Variants in KIF17 observed in about 807,000 individuals in gnomAD.
KIF17 encodes the protein kinesin-like protein KIF17.
A neutral mutation model predicts 96.8 loss-of-function variants in KIF17; 80 were observed. That is an observed-to-expected ratio of 0.83 (90% CI 0.69 to 1.00). KIF17 has a LOEUF of 1.00. KIF17 is among the 50% of genes least tolerant of loss of function. The pLI is 0.00. For missense variants in KIF17, 1,280 were observed against 1,372.9 expected (o/e 0.93, Z 1.07); for synonymous variants, 567 against 587.5 (o/e 0.97, Z 0.51).
At position 20,717,509 on chromosome 1, in the gene KIF17, C is replaced by G; in HGVS notation, c.198G>C (p.Gln66His). The change falls in exon 1 of 15, where the codon CAG (glutamine) becomes CAC (histidine). Residue 66 changes from glutamine to histidine, a missense_variant. Coordinates refer to ENST00000400463, the MANE Select transcript of KIF17 (RefSeq NM_001122819.3). ...GAYHVDHVTE[Q>H]IYNEIAYPLV... ...GCGGATAGGCGATCTCGTTGTAGAT[C>G]TGCTCGGTGACGTGGTCCACGTGGT... The G allele has an allele frequency of 1.9e-6, 3 of 1,611,912 alleles. No individual in the cohort carries two copies. Among genetic ancestry groups the G allele is most frequent in the Non-Finnish European group, 2.5e-6 (3 of 1,179,656 alleles).
chr1:20,673,093 G>C (rs2053676204), intron 11 of KIF17: 1 of 152,132 alleles, frequency 6.6e-6, no homozygotes, highest in African/African-American at 2.4e-5. Context: ...CAGGTCTGCT[G>C]GCACACGCCT....
chr1:20,707,306 T>A (rs11587009), intron 4 of KIF17, among the ~76,000 whole-genome samples: 1 of 152,178 alleles, frequency 6.6e-6, no homozygotes, highest in African/African-American at 2.4e-5. Context: ...TGGAAACCAA[T>A]TGTCAAGGAC....
At chr1:20,690,766 A>G (rs1405567908) in intron 6 of KIF17, among the ~76,000 whole-genome samples, 2 of 151,570 alleles carry the variant, frequency 1.3e-5, no homozygotes, top group Non-Finnish European at 1.5e-5. Context: ...GGCTCACTGC[A>G]AGCTCTGCCT....
At chr1:20,712,987 T>C (rs1345949820) in intron 3 of KIF17, among the ~76,000 whole-genome samples, 2 of 139,378 alleles carry the variant, frequency 1.4e-5, no homozygotes, top group Non-Finnish European at 3.0e-5. Context: ...ATATAGATAC[T>C]ATATATAATA....
intron 12 of KIF17, among the ~76,000 whole-genome samples, chr1:20,671,215 T>C (rs887470561): frequency 3.9e-5 from 6 of 152,192 alleles, no homozygotes; most frequent in African/African-American, 1.4e-4. Flanking sequence ...AGGGCTGTCG[T>C]AAGGATGAAC....
chr1:20,664,401 C>T lies in KIF17; in HGVS notation c.*183G>A, dbSNP rs549433773. ...GGACTATACAGCCTCCGAGGGGCTC[C>T]TGCCCAGGGCGGAGGTGGGCTCTCT... On this transcript the variant is annotated 3_prime_UTR_variant, in exon 15 of 15. Coordinates refer to ENST00000400463, the MANE Select transcript of KIF17 (RefSeq NM_001122819.3). The T allele has an allele frequency of 5.3e-6, 8 of 1,497,856 alleles. No individual in the cohort carries two copies. The Admixed American group carries it at 1.5e-4, about 28-fold the overall frequency. The allele number at this position is 1,497,856 out of a possible 1,614,324, so 92.8% of individuals were successfully genotyped here. A position where few individuals can be genotyped will look rare whatever the true frequency, so the allele number is the denominator to read the frequency against.
In KIF17 at chr1:20,664,300, G is replaced by T; in HGVS notation, c.*284C>A. 7.4e-7 allele frequency: 1 copy of T among 1,350,242 alleles called. No homozygotes were observed. The highest frequency in any genetic ancestry group is 9.6e-7 in the Non-Finnish European group (1 of 1,043,712). The allele number at this position is 1,350,242 out of a possible 1,614,324, so 83.6% of individuals were successfully genotyped here. ...GCAAAGACCAACACTGGTGGGCATG[G>T]GTGTGGGCTCTGTGGCAGGTGAGCA... is the stretch of plus-strand genomic sequence containing the variant. On this transcript the variant is annotated 3_prime_UTR_variant, in exon 15 of 15. Coordinates refer to ENST00000400463, the MANE Select transcript of KIF17 (RefSeq NM_001122819.3).
intron 10 of KIF17, 90 bp downstream of exon 10, chr1:20,684,719 G>A: frequency 7.7e-7 from 1 of 1,301,962 alleles, no homozygotes; most frequent in Non-Finnish European, 1.1e-6. Flanking sequence ...AGAGCTGGGA[G>A]GAAGCTATGG....
At position 20,717,640 on chromosome 1, in the gene KIF17, G is replaced by A. The variant is rs1055605715; in HGVS notation, c.67C>T (p.Arg23Cys). 13 of 1,607,468 alleles carry A rather than the reference G, an allele frequency of 8.1e-6. No individual in the cohort carries two copies. Among genetic ancestry groups the A allele is most frequent in the Non-Finnish European group, 9.3e-6 (11 of 1,179,062 alleles). Residue 23 changes from arginine (R) to cysteine (C), a missense_variant, in exon 1 of 15, where the codon CGC (arginine) becomes TGC (cysteine). Physicochemically the swap from Arg to Cys is radical, Grantham distance 180. Transcript: ENST00000400463. ...TCCACAGTCACCACGGGCTGGCAGCGCAGCTCTCGCTCCCGCTGGTTCATG... is the reference window on the plus strand; with the variant it reads ...TCCACAGTCACCACGGGCTGGCAGCACAGCTCTCGCTCCCGCTGGTTCATG... The part of the protein sequence containing the change: ...RPMNQREREL[R>C]CQPVVTVDCA...
chr1:20,683,516 G>T (rs1361476829), intron 10 of KIF17, among the ~76,000 whole-genome samples: 1 of 152,016 alleles, frequency 6.6e-6, no homozygotes, highest in Non-Finnish European at 1.5e-5. Context: ...TTAGCCGGGC[G>T]TGATGGTGCA....
At position 20,709,874 on chromosome 1, in the gene KIF17, G is replaced by A. The variant is rs768897033; in HGVS notation, c.481-46C>T. 33 of 1,544,280 alleles carry A rather than the reference G, an allele frequency of 2.1e-5. No individual in the cohort carries two copies. The highest frequency in any genetic ancestry group is 2.8e-5 in the Non-Finnish European group (32 of 1,137,392). On this transcript the variant is annotated intron_variant, in intron 3 of 14. Transcript: ENST00000400463. The surrounding 1 kb of genome is among the most constrained non-coding windows in gnomAD (Gnocchi z 4.7). ...AGGGGCGGAACCTCCAGCCGCCAAG[G>A]GTTAGGACCAGGGATGGTCAAGGAA...
chr1:20,676,118 C>T (rs1266533896), intron 11 of KIF17, among the ~76,000 whole-genome samples: 1 of 152,124 alleles, frequency 6.6e-6, no homozygotes, highest in Non-Finnish European at 1.5e-5. Context: ...CATTAATTTA[C>T]TCTTTTTTCT....
chr1:20,715,814 G>A (rs2054568118), intron 1 of KIF17, among the ~76,000 whole-genome samples, 175 bp from the exon 2 acceptor site: 1 of 152,248 alleles, frequency 6.6e-6, no homozygotes, highest in Admixed American at 6.5e-5. Context: ...ACTCTCTGGT[G>A]GGGTAGGAGC....
chr1:20,679,130 G>A (rs1198971619), intron 11 of KIF17, among the ~76,000 whole-genome samples: 7 of 151,364 alleles, frequency 4.6e-5, no homozygotes, highest in Non-Finnish European at 2.9e-5. Flanking sequence ...TGGGCAACAT[G>A]GCAAAACCCC....
rs183270297 is a variant in KIF17, at chr1:20,711,997, G to A, written c.480+1457C>T. Among the ~76,000 whole-genome samples, 43 of 152,216 alleles carry A rather than the reference G, an allele frequency of 2.8e-4. 1 individual carries two copies. Among genetic ancestry groups the A allele is most frequent in the Admixed American group, 2.0e-3 (31 of 15,286 alleles). ...CCACGAGGGAGCGTGTCTAAAGCCC[G>A]GTGACCTCTGGAGTGTGTTTCAGCA... On this transcript the variant is annotated intron_variant, in intron 3 of 14. Coordinates refer to ENST00000400463, the MANE Select transcript of KIF17 (RefSeq NM_001122819.3).
downstream of KIF17, chr1:20,661,673 G>A (rs544175829): frequency 3.3e-4 from 147 of 451,144 alleles, no homozygotes; most frequent in African/African-American, 2.7e-3. Context: ...GCCCAGGCCG[G>A]CCTCCCGCCC....
Position 20,703,176 on chromosome 1 carries a change from T to TGAATGGAC in KIF17, c.1123+1270_1123+1271insGTCCATTC, listed in dbSNP as rs1553151981. On this transcript the variant is annotated intron_variant, in intron 5 of 14. Coordinates refer to ENST00000400463, the MANE Select transcript of KIF17 (RefSeq NM_001122819.3). ...AGAAGGAAGGATGGAGATGGATGGA[T>TGAATGGAC]GAATGGATGGACGGATGGATGGGAG... Among the ~76,000 whole-genome samples, 279 of 147,516 alleles carry TGAATGGAC rather than the reference T, an allele frequency of 1.9e-3. 2 individuals are homozygous for TGAATGGAC. The highest frequency in any genetic ancestry group is 6.9e-3 in the African/African-American group (275 of 40,006).
chr1:20,666,129 C>T, intron 14 of KIF17, 85 bp downstream of exon 14: 2 of 1,061,014 alleles, frequency 1.9e-6, no homozygotes, highest in Admixed American at 3.4e-5. Flanking sequence ...AGTTTTTGAA[C>T]CCAGGCCTGT....
chr1:20,708,872 AAAT>A (rs1233517446), intron 4 of KIF17, among the ~76,000 whole-genome samples: 1 of 152,180 alleles, frequency 6.6e-6, no homozygotes, highest in Non-Finnish European at 1.5e-5. Context: ...TTCCAGAAAA[AAAT>A]AATAATGAGA....
Sources: allele counts gnomAD v4.1 joint callset (sites outside exome capture counted in the v4.1 genomes callset), GRCh38; gene constraint gnomAD v4.1.1; non-coding constraint Gnocchi (gnomAD v3.1); transcripts MANE v1.5; gene names NCBI Gene and HGNC (gene_info 2026-07-23, HGNC 2026-07-21).